RAD51B: variants seen among roughly 807,000 people sequenced by gnomAD.
RAD51B encodes RAD51 paralog B.
In RAD51B, 38 loss-of-function variants were observed where a neutral mutation model predicts 42.2. That is an observed-to-expected ratio of 0.90 (90% CI 0.70 to 1.18). The LOEUF is 1.18. RAD51B is among the 50% of genes most tolerant of loss of function. The probability of loss-of-function intolerance (pLI) is 0.00; values close to 1 mark genes in which losing one functional copy is unlikely to be tolerated. For synonymous variants in RAD51B, 154 were observed against 145.2 expected (o/e 1.06, Z -0.43); for missense variants, 373 against 400.7 (o/e 0.93, Z 0.59).
At chr14:68,619,831 A>G (rs1234052966) in intron 10 of RAD51B, among the ~76,000 whole-genome samples, 3 of 152,232 alleles carry the variant, frequency 2.0e-5, no homozygotes, top group Non-Finnish European at 2.9e-5. Flanking sequence ...TATTTTCTGC[A>G]TAGTGCACCT....
chr14:68,398,065 T>G (rs2083977918), intron 8 of RAD51B, among the ~76,000 whole-genome samples: 1 of 152,122 alleles, frequency 6.6e-6, no homozygotes, highest in Non-Finnish European at 1.5e-5. Context: ...ATCCTCACAC[T>G]CTGGGCAAGG....
intron 7 of RAD51B, among the ~76,000 whole-genome samples, chr14:68,082,920 G>A (rs913362744): frequency 1.2e-4 from 18 of 152,118 alleles, no homozygotes; most frequent in African/African-American, 4.3e-4. Flanking sequence ...TATGCACACT[G>A]CTGAACTGTC....
At chr14:68,596,276 A>C (rs1445662485), downstream of RAD51B, among the ~76,000 whole-genome samples, 1 of 151,354 alleles carries the variant, frequency 6.6e-6, no homozygotes, top group Non-Finnish European at 1.5e-5. Context: ...TTTTTTTTCT[A>C]ATCAGTAATG....
At chr14:68,231,432 C>T (rs1274519508) in intron 7 of RAD51B, among the ~76,000 whole-genome samples, 2 of 151,974 alleles carry the variant, frequency 1.3e-5, no homozygotes, top group African/African-American at 4.8e-5. Flanking sequence ...CCTGAAATTC[C>T]CTCCTTTTTC....
chr14:67,832,731 C>T lies in RAD51B; in HGVS notation c.199-2349C>T, dbSNP rs1308018206. ...ACTGTTCATGATTCCTGAATCACAG[C>T]AATATCTAAGAGGAGCTGATGTTAT... is the stretch of plus-strand genomic sequence containing the variant. On this transcript the variant is annotated intron_variant, in intron 3 of 10. Coordinates refer to ENST00000471583, the MANE Select transcript of RAD51B (RefSeq NM_133510.4). 3.3e-5 allele frequency among the ~76,000 whole-genome samples: 5 copies of T among 152,122 alleles called. No homozygotes were observed. The South Asian group carries it at 1.0e-3, about 32-fold the overall frequency.
intron 10 of RAD51B, among the ~76,000 whole-genome samples, chr14:68,539,488 A>G (rs578243021): frequency 1.0e-3 from 155 of 152,332 alleles, no homozygotes; most frequent in Non-Finnish European, 1.9e-3. Context: ...CTGGGTTTCC[A>G]GAGGGGTCCC....
rs1167010487 is a variant in RAD51B, at chr14:68,595,916, A to T, written c.*1313A>T. The T allele has an allele frequency of 3.4e-5, 12 of 353,736 alleles. No individual in the cohort carries two copies. In the Admixed American group the frequency reaches 7.0e-4, roughly 21 times the overall value. 21.9% of individuals were successfully genotyped at this position (353,736 alleles called of 1,614,324 possible). ...AACAGTGCAATCTCTGGGCAATAAG[A>T]TTATACTTGACTTTTATTTCTTTTT... On this transcript the variant is annotated 3_prime_UTR_variant, in exon 11 of 11. Transcript: ENST00000487270.
At chr14:67,889,271 A>C (rs1454439094) in intron 7 of RAD51B, among the ~76,000 whole-genome samples, 1 of 151,662 alleles carries the variant, frequency 6.6e-6, no homozygotes, top group African/African-American at 2.4e-5. Context: ...GAATTTTCCT[A>C]GCTAAATTGA....
At chr14:68,245,525 G>C (rs1474870952) in intron 7 of RAD51B, among the ~76,000 whole-genome samples, 1 of 152,148 alleles carries the variant, frequency 6.6e-6, no homozygotes, top group Non-Finnish European at 1.5e-5. Flanking sequence ...TCAAATATTT[G>C]GTTCAAATTA....
intron 7 of RAD51B, among the ~76,000 whole-genome samples, chr14:68,249,883 A>G (rs764623460): frequency 6.6e-5 from 10 of 152,246 alleles, no homozygotes; most frequent in Non-Finnish European, 1.5e-4. Context: ...CTCAAACAAC[A>G]TATATAAATC....
At chr14:68,222,675 T>TA (rs974068267) in intron 7 of RAD51B, among the ~76,000 whole-genome samples, 2 of 151,756 alleles carry the variant, frequency 1.3e-5, no homozygotes, top group African/African-American at 2.4e-5. Context: ...CCTATTGAAA[T>TA]AAAAAAAATA....
At position 68,667,625 on chromosome 14, in the gene RAD51B, A is replaced by G. The variant is rs140517765; in HGVS notation, c.*11+16769A>G. On this transcript the variant is annotated intron_variant, in intron 11 of 11. Coordinates refer to the RAD51B transcript ENST00000488612. ...GGTTCAGCTTTGGATTCCCAGGCCAACACTAAGGTAGACACTGCAAATAAT... is the reference window on the plus strand; with the variant it reads ...GGTTCAGCTTTGGATTCCCAGGCCAGCACTAAGGTAGACACTGCAAATAAT... 4.6e-5 allele frequency among the ~76,000 whole-genome samples: 7 copies of G among 152,326 alleles called. No homozygotes were observed. The East Asian group carries it at 1.4e-3, about 29-fold the overall frequency.
At chr14:67,917,167 G>C (rs1230530800) in intron 7 of RAD51B, among the ~76,000 whole-genome samples, 1 of 152,148 alleles carries the variant, frequency 6.6e-6, no homozygotes, top group Admixed American at 6.5e-5. Flanking sequence ...TAGTAACCTA[G>C]GCAACAGATT....
chr14:68,366,001 G>A (rs931469883), intron 8 of RAD51B, among the ~76,000 whole-genome samples: 3 of 151,922 alleles, frequency 2.0e-5, no homozygotes, highest in Admixed American at 6.5e-5. Context: ...TGCAAACACA[G>A]AGCAATTCAA....
At chr14:68,416,516 C>T (rs1224178119) in intron 9 of RAD51B, among the ~76,000 whole-genome samples, 1 of 152,136 alleles carries the variant, frequency 6.6e-6, no homozygotes, top group Non-Finnish European at 1.5e-5. Flanking sequence ...AAATGCACTC[C>T]CTGTAGCTAC....
intron 9 of RAD51B, among the ~76,000 whole-genome samples, chr14:68,438,645 C>T (rs967163160): frequency 6.6e-6 from 1 of 152,206 alleles, no homozygotes; most frequent in East Asian, 1.9e-4. Context: ...CACATCATGT[C>T]ATCTCCACTC....
chr14:67,823,355 T>C lies in RAD51B; in HGVS notation c.-2-187T>C, dbSNP rs372319216. Reference sequence around the variant, plus strand: ...GTTTGACGAACAATTGTCCCTCCTATTTAAAACATTTAAAAAGGTTCTATA... The same window carrying C: ...GTTTGACGAACAATTGTCCCTCCTACTTAAAACATTTAAAAAGGTTCTATA... On this transcript the variant is annotated intron_variant, in intron 1 of 10. Transcript: ENST00000471583. Among the ~76,000 whole-genome samples the C allele has an allele frequency of 5.9e-5, 9 of 152,354 alleles. 1 individual carries two copies. Among genetic ancestry groups the C allele is most frequent in the African/African-American group, 2.2e-4 (9 of 41,578 alleles).
intron 10 of RAD51B, 31 bp from the exon 11 acceptor site, chr14:68,477,617 A>T (rs1255757990): frequency 6.3e-7 from 1 of 1,593,130 alleles, no homozygotes; most frequent in East Asian, 2.2e-5. Context: ...TTTTTTTTTC[A>T]AACTTTCTCT....
chr14:68,552,627 A>G (rs182142185), intron 10 of RAD51B, among the ~76,000 whole-genome samples: 2 of 152,358 alleles, frequency 1.3e-5, no homozygotes, highest in African/African-American at 4.8e-5. Context: ...TGCAATAATC[A>G]TAGTATTTTT....
Sources: gnomAD v4.1 joint callset for allele counts (sites outside exome capture counted in the v4.1 genomes callset) on GRCh38, gnomAD v4.1.1 for gene constraint, MANE v1.5 for transcripts, NCBI Gene and HGNC (gene_info 2026-07-23, HGNC 2026-07-21) for gene names.